MBNL1: variants seen among roughly 807,000 people sequenced by gnomAD.
MBNL1 encodes muscleblind like splicing regulator 1.
MBNL1 carries 8 observed loss-of-function variants against 42.2 expected under a neutral mutation model. The observed-to-expected ratio is 0.19, with a 90% CI of 0.11 to 0.34. MBNL1 has a LOEUF of 0.34. Ranked by LOEUF, MBNL1 falls within the 10% of genes least tolerant of loss-of-function variation. The pLI is 1.00. For synonymous variants in MBNL1, 169 were observed against 173.9 expected (o/e 0.97, Z 0.22); for missense variants, 309 against 495.3 (o/e 0.62, Z 3.57).
chr3:152,335,366 A>G, intron 2 of MBNL1: 1 of 804,144 alleles, frequency 1.2e-6, no homozygotes, highest in Non-Finnish European at 1.8e-6. Flanking sequence ...TTAGAGAGGA[A>G]CCGTGGTTTT....
At chr3:152,403,293 G>A (rs1428155703) in intron 2 of MBNL1, among the ~76,000 whole-genome samples, 10 of 152,072 alleles carry the variant, frequency 6.6e-5, no homozygotes, top group Non-Finnish European at 1.2e-4. Flanking sequence ...TTAAGAATAT[G>A]CACTACAGCT....
intron 2 of MBNL1, among the ~76,000 whole-genome samples, chr3:152,325,894 A>G (rs1182531268): frequency 6.6e-6 from 1 of 152,100 alleles, no homozygotes; most frequent in Non-Finnish European, 1.5e-5. Context: ...ACAATATAAC[A>G]ACCCCCTCCA....
chr3:152,253,835 A>C (rs1045787096), intron 2 of MBNL1, among the ~76,000 whole-genome samples: 1 of 152,046 alleles, frequency 6.6e-6, no homozygotes, highest in Non-Finnish European at 1.5e-5. Context: ...TACATATTTA[A>C]TTGTAGTATT....
chr3:152,265,410 G>GTT (rs1394025673), upstream of MBNL1: 8 of 152,146 alleles, frequency 5.3e-5, no homozygotes, highest in Admixed American at 2.0e-4. Context: ...GTGTGTGTGT[G>GTT]TGTGTGTGTG....
intron 3 of MBNL1, among the ~76,000 whole-genome samples, chr3:152,415,872 TATTC>T (rs1290448822): frequency 6.6e-6 from 1 of 152,240 alleles, no homozygotes; most frequent in Non-Finnish European, 1.5e-5. Context: ...TATTCATATT[TATTC>T]ATCAAAATGT....
chr3:152,432,685 A>C (rs371180836), intron 3 of MBNL1, 32 bp from the exon 4 acceptor site: 2 of 1,586,078 alleles, frequency 1.3e-6, no homozygotes, highest in African/African-American at 1.3e-5. Context: ...TGAGACCTGC[A>C]TGTTAAATTT....
chr3:152,453,837 T>C (rs1353686626), intron 6 of MBNL1, among the ~76,000 whole-genome samples: 1 of 152,224 alleles, frequency 6.6e-6, no homozygotes, highest in Non-Finnish European at 1.5e-5. Flanking sequence ...GACTTAATTA[T>C]GCATGGGATG....
At chr3:152,355,945 G>A (rs967644768) in intron 2 of MBNL1, among the ~76,000 whole-genome samples, 8 of 152,172 alleles carry the variant, frequency 5.3e-5, no homozygotes, top group African/African-American at 1.9e-4. Context: ...AACAGCCATC[G>A]TAGGAGTGGC....
chr3:152,410,205 G>A (rs921365757), intron 2 of MBNL1, among the ~76,000 whole-genome samples: 2 of 151,914 alleles, frequency 1.3e-5, no homozygotes, highest in Non-Finnish European at 2.9e-5. Flanking sequence ...CATTTATTTG[G>A]AGGATTAAAC....
chr3:152,339,812 G>C (rs1376724628), intron 2 of MBNL1: 1 of 152,044 alleles, frequency 6.6e-6, no homozygotes, highest in Non-Finnish European at 1.5e-5. Context: ...TTTATTTTTA[G>C]TAAACTTTAT....
At chr3:152,327,690 C>T (rs945146303) in intron 2 of MBNL1, among the ~76,000 whole-genome samples, 3 of 151,866 alleles carry the variant, frequency 2.0e-5, no homozygotes, top group Admixed American at 6.6e-5. Context: ...CTTTTCCACT[C>T]GTGATGTGAT....
At chr3:152,456,916 G>T (rs1224496869) in intron 8 of MBNL1, among the ~76,000 whole-genome samples, 1 of 151,994 alleles carries the variant, frequency 6.6e-6, no homozygotes, top group Admixed American at 6.5e-5. Context: ...TATTCTCAAT[G>T]CTTTCAGTGA....
intron 2 of MBNL1, among the ~76,000 whole-genome samples, chr3:152,342,777 G>A (rs2093572716): frequency 1.3e-5 from 2 of 152,020 alleles, no homozygotes; most frequent in Admixed American, 1.3e-4. Flanking sequence ...GTGACAGCAG[G>A]CAAGTTAACC....
At chr3:152,300,894 A>G in intron 2 of MBNL1, 2 of 977,128 alleles carry the variant, frequency 2.0e-6, no homozygotes, top group Non-Finnish European at 1.2e-6. Context: ...AGAGCCACGC[A>G]TTTTATGGAA....
chr3:152,265,964 T>C (rs1162455854), upstream of MBNL1: 2 of 152,362 alleles, frequency 1.3e-5, no homozygotes, highest in Admixed American at 6.5e-5. Flanking sequence ...GTAATTTCCA[T>C]AGTTTGAAAT....
chr3:152,441,272 G>A (rs547473477), intron 4 of MBNL1, among the ~76,000 whole-genome samples: 5 of 147,360 alleles, frequency 3.4e-5, no homozygotes, highest in Non-Finnish European at 5.9e-5. Flanking sequence ...TAAAACTTAC[G>A]TTATTTTGAC....
At chr3:152,361,188 A>G (rs898936904) in intron 2 of MBNL1, among the ~76,000 whole-genome samples, 5 of 151,998 alleles carry the variant, frequency 3.3e-5, no homozygotes, top group African/African-American at 7.3e-5. Context: ...GTGCTGTTCT[A>G]TGTTAGGTGC....
chr3:152,320,560 C>T (rs553883322), intron 2 of MBNL1, among the ~76,000 whole-genome samples: 1 of 152,184 alleles, frequency 6.6e-6, no homozygotes, highest in African/African-American at 2.4e-5. Flanking sequence ...ACAGTATTAA[C>T]TCTCTTTTCA....
intron 3 of MBNL1, among the ~76,000 whole-genome samples, chr3:152,431,301 AG>A (rs2099003954): frequency 6.6e-6 from 1 of 152,224 alleles, no homozygotes; most frequent in Non-Finnish European, 1.5e-5. Context: ...GTCTCCTGAG[AG>A]GCAAAATAAC....
Sources: allele counts gnomAD v4.1 joint callset (sites outside exome capture counted in the v4.1 genomes callset), GRCh38; gene constraint gnomAD v4.1.1; transcripts MANE v1.5; gene names NCBI Gene and HGNC (gene_info 2026-07-23, HGNC 2026-07-21).